The following PACSIN2 variants were observed in gnomAD, a reference collection of about 807,000 sequenced individuals.
PACSIN2 encodes protein kinase C and casein kinase substrate in neurons protein 2.
In PACSIN2, 25 loss-of-function variants were observed where a neutral mutation model predicts 63.8. The observed-to-expected ratio is 0.39, with a 90% CI of 0.29 to 0.55. PACSIN2 has a LOEUF of 0.55. Among genes scored for constraint, PACSIN2 ranks in the 20% least tolerant of loss-of-function variants. The pLI is 0.62. For missense variants in PACSIN2, 518 were observed against 646.9 expected, an observed-to-expected ratio of 0.80 and a Z score of 2.16; for synonymous variants, 255 against 256.2, an observed-to-expected ratio of 1.00 and a Z score of 0.05.
At chr22:42,965,456 G>A (rs1316472309) in intron 1 of PACSIN2, among the ~76,000 whole-genome samples, 4 of 152,292 alleles carry the variant, frequency 2.6e-5, no homozygotes, top group Non-Finnish European at 5.9e-5. Context: ...AAAAGAAGGT[G>A]AGAAAACAGG....
At chr22:42,987,808 A>C (rs1922743196) in intron 1 of PACSIN2, among the ~76,000 whole-genome samples, 1 of 152,034 alleles carries the variant, frequency 6.6e-6, no homozygotes, top group African/African-American at 2.4e-5. Flanking sequence ...TGCTCGGATT[A>C]CAGGCATGAG....
At chr22:42,919,746 C>G (rs1033660195) in intron 1 of PACSIN2, among the ~76,000 whole-genome samples, 1 of 123,638 alleles carries the variant, frequency 8.1e-6, no homozygotes, top group Non-Finnish European at 1.6e-5. Flanking sequence ...GTACTCCAGC[C>G]TGGGTGACAG....
At chr22:43,004,369 A>G (rs1260339169) in intron 1 of PACSIN2, among the ~76,000 whole-genome samples, 4 of 152,202 alleles carry the variant, frequency 2.6e-5, no homozygotes, top group Admixed American at 2.0e-4. Context: ...TGCACCCCCC[A>G]CGCACATCCT....
At chr22:43,011,313 A>G (rs1924473734) in intron 1 of PACSIN2, among the ~76,000 whole-genome samples, 2 of 152,236 alleles carry the variant, frequency 1.3e-5, no homozygotes, top group African/African-American at 2.4e-5. Context: ...TATTGCTCAC[A>G]TGAATGTGGT....
intron 2 of PACSIN2, among the ~76,000 whole-genome samples, chr22:42,907,585 G>A (rs536354357): frequency 6.6e-5 from 10 of 152,374 alleles, no homozygotes; most frequent in Non-Finnish European, 1.5e-4. Flanking sequence ...GCCATCACAC[G>A]GAAAAGTCCG....
At chr22:42,901,404 T>G (rs1930674608) in intron 2 of PACSIN2, among the ~76,000 whole-genome samples, 1 of 152,180 alleles carries the variant, frequency 6.6e-6, no homozygotes, top group African/African-American at 2.4e-5. Flanking sequence ...ACGGGCAAAA[T>G]GCTTTCGATA....
rs143782532 is a variant in PACSIN2 at position 42,897,349 on chromosome 22, C to A, written c.61-3736G>T. ...TGACAAATCGATCATACATTAAAATCAGCACATATATAGTTAACTATTTCT... is the reference window on the plus strand; with the variant it reads ...TGACAAATCGATCATACATTAAAATAAGCACATATATAGTTAACTATTTCT... On this transcript the variant is annotated intron_variant, in intron 2 of 10. Transcript: ENST00000263246. Among the ~76,000 whole-genome samples the A allele has an allele frequency of 1.6e-3, 248 of 152,272 alleles. 2 individuals carry two copies. The highest frequency in any genetic ancestry group is 5.8e-3 in the African/African-American group (242 of 41,542).
At chr22:42,941,669 A>G (rs928304840) in intron 1 of PACSIN2, among the ~76,000 whole-genome samples, 17 of 152,082 alleles carry the variant, frequency 1.1e-4, no homozygotes, top group Non-Finnish European at 2.1e-4. Context: ...TCATGTGCTT[A>G]TTGGCCATTT....
At chr22:43,014,607 A>G (rs1460664944) in intron 1 of PACSIN2, among the ~76,000 whole-genome samples, 1 of 151,374 alleles carries the variant, frequency 6.6e-6, no homozygotes, top group African/African-American at 2.4e-5. Context: ...CGTCCCTCCA[A>G]AAGTCGCCCC....
intron 1 of PACSIN2, among the ~76,000 whole-genome samples, chr22:43,000,581 G>A (rs1923706214): frequency 6.6e-6 from 1 of 152,164 alleles, no homozygotes; most frequent in South Asian, 2.1e-4. Flanking sequence ...AAAAGCATGG[G>A]CCCAAAATAG....
Position 42,912,175 on chromosome 22 carries a change from A to G in PACSIN2, c.-77-18T>C. 1.2e-6 allele frequency: 1 copy of G among 805,350 alleles called. No homozygotes were observed. Among genetic ancestry groups the G allele is most frequent in the South Asian group, 1.7e-5 (1 of 58,774 alleles). The allele number at this position is 805,350 out of a possible 1,614,324, so 49.9% of individuals were successfully genotyped here. On this transcript the variant is annotated intron_variant, in intron 1 of 10. Transcript: ENST00000263246. ...AGACAAACCTATAAATGAAAAACAT[A>G]TAACATAGTGGTTTTTAAATTCCCA... is the stretch of plus-strand genomic sequence containing the variant.
At chr22:42,880,273 T>C (rs916144817) in intron 7 of PACSIN2, among the ~76,000 whole-genome samples, 3 of 152,226 alleles carry the variant, frequency 2.0e-5, no homozygotes, top group Non-Finnish European at 2.9e-5. Flanking sequence ...GCCCACGCAG[T>C]GTGGGTGGCA....
intron 1 of PACSIN2, among the ~76,000 whole-genome samples, chr22:42,934,321 C>T (rs137915543): frequency 8.5e-5 from 13 of 152,352 alleles, no homozygotes; most frequent in African/African-American, 1.7e-4. Context: ...ACAATTTCTA[C>T]GGGAAACGCA....
chr22:43,010,640 G>A (rs1924427516), intron 1 of PACSIN2, among the ~76,000 whole-genome samples: 1 of 152,076 alleles, frequency 6.6e-6, no homozygotes. Context: ...AACTCGGGAG[G>A]CGCAGCCTGC....
rs571173575 is a variant in PACSIN2, at chr22:42,871,750, C to T, written c.1349-281G>A. The stretch of plus-strand genomic sequence containing the variant: ...CTCCCACTGAGACTGCGGCATCCAG[C>T]TCCATAGGGCTGTGCCTTCCTCACC... On this transcript the variant is annotated intron_variant, in intron 10 of 10. Transcript: ENST00000263246. The surrounding 1 kb of genome is among the most constrained non-coding windows in gnomAD (Gnocchi z 5.4). Among the ~76,000 whole-genome samples the T allele has an allele frequency of 6.6e-6, 1 of 152,314 alleles. No homozygotes were observed. The highest frequency in any genetic ancestry group is 2.1e-4 in the South Asian group (1 of 4,816).
chr22:42,940,385 T>C (rs1933098713), intron 1 of PACSIN2, among the ~76,000 whole-genome samples: 1 of 152,226 alleles, frequency 6.6e-6, no homozygotes, highest in Non-Finnish European at 1.5e-5. Flanking sequence ...GGGGTCAGCA[T>C]GTGTTTGCTG....
intron 10 of PACSIN2, among the ~76,000 whole-genome samples, chr22:42,874,635 C>T (rs969918222): frequency 1.3e-5 from 2 of 152,170 alleles, no homozygotes; most frequent in South Asian, 4.1e-4. Context: ...CAGTTGGGGA[C>T]CCCTAGAGAA....
intron 1 of PACSIN2, among the ~76,000 whole-genome samples, chr22:42,949,228 T>C (rs1933569636): frequency 6.6e-6 from 1 of 151,966 alleles, no homozygotes; most frequent in African/African-American, 2.4e-5. Flanking sequence ...CTACACAGAG[T>C]AGGAATTTAA....
At chr22:42,875,562 G>C (rs1306658144) in intron 10 of PACSIN2, among the ~76,000 whole-genome samples, 2 of 150,792 alleles carry the variant, frequency 1.3e-5, no homozygotes, top group Non-Finnish European at 3.0e-5. Flanking sequence ...TTGACACAAA[G>C]TCTTGCTCTG....
Sources: allele counts gnomAD v4.1 joint callset (sites outside exome capture counted in the v4.1 genomes callset), GRCh38; gene constraint gnomAD v4.1.1; non-coding constraint Gnocchi (gnomAD v3.1); transcripts MANE v1.5; gene names NCBI Gene and HGNC (gene_info 2026-07-23, HGNC 2026-07-21).